Variants in SEC61A2 observed in about 807,000 individuals in gnomAD.
The protein encoded by SEC61A2 is SEC61 translocon subunit alpha 2.
In SEC61A2, 28 loss-of-function variants were observed where a neutral mutation model predicts 59.9. The observed-to-expected ratio is 0.47, with a 90% confidence interval of 0.35 to 0.64. SEC61A2 has a LOEUF of 0.64. Among genes scored for constraint, SEC61A2 ranks in the 30% least tolerant of loss-of-function variants. The pLI is 0.01. For synonymous variants in SEC61A2, 202 were observed against 214.4 expected (o/e 0.94, Z 0.50); for missense variants, 340 against 585.9 (o/e 0.58, Z 4.33).
chr10:12,159,993 A>G (rs1834491985), intron 9 of SEC61A2, among the ~76,000 whole-genome samples: 1 of 152,136 alleles, frequency 6.6e-6, no homozygotes, highest in African/African-American at 2.4e-5. Context: ...TTTCCCATTC[A>G]TTTAAGAGAA....
chr10:12,138,741 T>C (rs920433697), intron 3 of SEC61A2, among the ~76,000 whole-genome samples: 1 of 152,278 alleles, frequency 6.6e-6, no homozygotes, highest in Non-Finnish European at 1.5e-5. Flanking sequence ...GTTGAAGTTA[T>C]CACAGTTTAT....
chr10:12,143,305 C>A lies in SEC61A2; in HGVS notation c.220+110C>A. Reference sequence around the variant, plus strand: ...ACAGGGAGGGGGAGGATATCATTGCCTAGAAAAGCCTAGTATGTAGATAAT... The same window carrying A: ...ACAGGGAGGGGGAGGATATCATTGCATAGAAAAGCCTAGTATGTAGATAAT... On this transcript the variant is annotated intron_variant, in intron 4 of 11. Transcript: ENST00000298428. The surrounding 1 kb of genome is among the most constrained non-coding windows in gnomAD (Gnocchi z 4.8). The A allele has an allele frequency of 1.3e-6, 1 of 777,424 alleles. No homozygotes were observed. Among genetic ancestry groups the A allele is most frequent in the Admixed American group, 1.8e-5 (1 of 55,654 alleles). 48.2% of individuals were successfully genotyped at this position (777,424 alleles called of 1,614,324 possible).
At chr10:12,135,516 A>G (rs1833863999) in intron 2 of SEC61A2, among the ~76,000 whole-genome samples, 1 of 152,194 alleles carries the variant, frequency 6.6e-6, no homozygotes, top group Non-Finnish European at 1.5e-5. Context: ...ACATGAATGT[A>G]TTATGTAGTG....
chr10:12,147,653 C>G (rs11257564), intron 4 of SEC61A2, among the ~76,000 whole-genome samples: 1 of 150,550 alleles, frequency 6.6e-6, no homozygotes, highest in East Asian at 2.0e-4. Flanking sequence ...CCATTGTACT[C>G]CAGCCTGGGT....
At chr10:12,131,682 CTTTTTTTTTTT>C (rs1199525836) in intron 1 of SEC61A2, among the ~76,000 whole-genome samples, 12 of 46,538 alleles carry the variant, frequency 2.6e-4, no homozygotes, top group African/African-American at 6.4e-4. Context: ...GATTACATAC[CTTTTTTTTTTT>C]TTTTTTTTTT....
chr10:12,153,656 C>G lies in SEC61A2; in HGVS notation c.463-2122C>G. The G allele has an allele frequency of 6.8e-7, 1 of 1,466,080 alleles. No individual in the cohort carries two copies. Among genetic ancestry groups the G allele is most frequent in the Non-Finnish European group, 9.3e-7 (1 of 1,075,954 alleles). 90.8% of individuals were successfully genotyped at this position (1,466,080 alleles called of 1,614,324 possible). ...TGATACACAAATATGCGTGTTATGGCTAATTCTTCTAATGTTAATATATAA... is the reference window on the plus strand; with the variant it reads ...TGATACACAAATATGCGTGTTATGGGTAATTCTTCTAATGTTAATATATAA... On this transcript the variant is annotated intron_variant, in intron 6 of 11. Coordinates refer to ENST00000298428, the MANE Select transcript of SEC61A2 (RefSeq NM_018144.4). The surrounding 1 kb of genome is among the most constrained non-coding windows in gnomAD (Gnocchi z 5.2).
At chr10:12,151,166 A>G (rs1834263153) in intron 6 of SEC61A2, among the ~76,000 whole-genome samples, 1 of 151,330 alleles carries the variant, frequency 6.6e-6, no homozygotes, top group Non-Finnish European at 1.5e-5. Flanking sequence ...AGAACAGATC[A>G]TACTTAAGTT....
chr10:12,161,771 A>T lies in SEC61A2; in HGVS notation c.1168-442A>T, dbSNP rs1588646613. ...AAATAAATAAATAGATAAATAAAAAATTTTTAAAAAAGTAAAATAAAACTT... is the reference window on the plus strand; with the variant it reads ...AAATAAATAAATAGATAAATAAAAATTTTTTAAAAAAGTAAAATAAAACTT... On this transcript the variant is annotated intron_variant, in intron 10 of 11. Coordinates refer to ENST00000298428, the MANE Select transcript of SEC61A2 (RefSeq NM_018144.4). This position sits in a 1 kb window ranked among gnomAD's most constrained non-coding sequence, Gnocchi z 5.4. Among the ~76,000 whole-genome samples, 2 of 152,300 alleles carry T rather than the reference A, an allele frequency of 1.3e-5. No homozygotes were observed. The highest frequency in any genetic ancestry group is 4.1e-4 in the South Asian group (2 of 4,822).
chr10:12,158,342 G>T lies in SEC61A2; in HGVS notation c.975+237G>T. 1 of 469,694 alleles carries T rather than the reference G, an allele frequency of 2.1e-6. No homozygotes were observed. The highest frequency in any genetic ancestry group is 3.9e-5 in the Admixed American group (1 of 25,824). 29.1% of individuals were successfully genotyped at this position (469,694 alleles called of 1,614,324 possible). On this transcript the variant is annotated intron_variant, in intron 9 of 11. Coordinates refer to ENST00000298428, the MANE Select transcript of SEC61A2 (RefSeq NM_018144.4). This position sits in a 1 kb window ranked among gnomAD's most constrained non-coding sequence, Gnocchi z 5.7. ...AAGCACTTTCACATCTCATTTGAAT[G>T]ACCTTTTAAGCTAAAATTGTGGTTG... is the stretch of plus-strand genomic sequence containing the variant.
intron 1 of SEC61A2, among the ~76,000 whole-genome samples, chr10:12,131,771 A>G (rs1449685942): frequency 7.5e-6 from 1 of 133,942 alleles, no homozygotes; most frequent in Non-Finnish European, 1.6e-5. Context: ...GCTTACTGCA[A>G]GCTCCCCCTC....
Position 12,156,051 on chromosome 10 carries a change from T to C in SEC61A2, c.616+120T>C, listed in dbSNP as rs1236952415. ...GTTTGCTCTCCTAGGGGATAAGGAA[T>C]GCGAATTCTTCAAAACTTAATGAGC... On this transcript the variant is annotated intron_variant, in intron 7 of 11. Transcript: ENST00000298428. The surrounding 1 kb of genome is among the most constrained non-coding windows in gnomAD (Gnocchi z 5.2). 3 of 967,502 alleles carry C rather than the reference T, an allele frequency of 3.1e-6. No individual in the cohort carries two copies. Among genetic ancestry groups the C allele is most frequent in the African/African-American group, 1.6e-5 (1 of 61,566 alleles). The allele number at this position is 967,502 out of a possible 1,614,324, so 59.9% of individuals were successfully genotyped here. A position where few individuals can be genotyped will look rare whatever the true frequency, so the allele number is the denominator to read the frequency against.
chr10:12,168,375 T>TC (rs1171840890), downstream of SEC61A2, among the ~76,000 whole-genome samples: 1 of 152,172 alleles, frequency 6.6e-6, no homozygotes, highest in African/African-American at 2.4e-5. This position sits in a 1 kb window ranked among gnomAD's most constrained non-coding sequence, Gnocchi z 4.8. Context: ...ATAGAGCCAA[T>TC]CGCTATACCT....
Position 12,149,712 on chromosome 10 carries a change from A to G in SEC61A2, c.338A>G (p.Asn113Ser). The change falls in exon 5 of 12, where the codon AAT (asparagine) becomes AGT (serine). Residue 113 changes from asparagine (N) to serine (S), a missense_variant. Around this residue, in one of 3 missense-constraint regions of SEC61A2, gnomAD observed 283 missense variants for 483.2 expected, o/e 0.59. Coordinates refer to ENST00000298428, the MANE Select transcript of SEC61A2 (RefSeq NM_018144.4). The surrounding 1 kb of genome is among the most constrained non-coding windows in gnomAD (Gnocchi z 5.2). ...ACACCGAAAGATAGAGCTTTATTCAATGGAGCCCAGAAACGTGAGCATTAA... is the reference window on the plus strand; with the variant it reads ...ACACCGAAAGATAGAGCTTTATTCAGTGGAGCCCAGAAACGTGAGCATTAA... Reference protein sequence around the residue: ...GDTPKDRALFNGAQKLFGMII... With the variant: ...GDTPKDRALFSGAQKLFGMII... 1 of 1,612,050 alleles carries G rather than the reference A, an allele frequency of 6.2e-7. No individual in the cohort carries two copies. Among genetic ancestry groups the G allele is most frequent in the Non-Finnish European group, 8.5e-7 (1 of 1,179,534 alleles).
chr10:12,129,908 C>T lies in SEC61A2; in HGVS notation c.7+114C>T. On this transcript the variant is annotated intron_variant, in intron 1 of 11. Transcript: ENST00000298428. The surrounding 1 kb of genome is among the most constrained non-coding windows in gnomAD (Gnocchi z 5.6). ...TCGTGGGGGCCAGGGATGCGCGGGC[C>T]GCTCCGGGCCTCAGCGGAGGGCACG... The T allele has an allele frequency of 6.1e-6, 6 of 981,060 alleles. No individual in the cohort carries two copies. The highest frequency in any genetic ancestry group is 6.7e-6 in the Non-Finnish European group (5 of 741,266). 60.8% of individuals were successfully genotyped at this position (981,060 alleles called of 1,614,324 possible). A position where few individuals can be genotyped will look rare whatever the true frequency, so the allele number is the denominator to read the frequency against.
At chr10:12,138,322 A>G (rs1421091951) in intron 3 of SEC61A2, among the ~76,000 whole-genome samples, 1 of 152,200 alleles carries the variant, frequency 6.6e-6, no homozygotes. Context: ...CCATATTTCT[A>G]CCATTGACTT....
At chr10:12,168,145 C>T (rs1834753602), downstream of SEC61A2, among the ~76,000 whole-genome samples, 1 of 152,080 alleles carries the variant, frequency 6.6e-6, no homozygotes, top group Non-Finnish European at 1.5e-5. This position sits in a 1 kb window ranked among gnomAD's most constrained non-coding sequence, Gnocchi z 4.8. Flanking sequence ...CTGCCTCAGC[C>T]TCCCCAGTAG....
chr10:12,167,327 T>C, downstream of SEC61A2: 1 of 176,670 alleles, frequency 5.7e-6, no homozygotes, highest in East Asian at 1.7e-4. Flanking sequence ...GCTTAGAATT[T>C]TATATTGGGG....
At chr10:12,165,873 T>C (rs1167732592), downstream of SEC61A2, 5 of 152,204 alleles carry the variant, frequency 3.3e-5, no homozygotes, top group Non-Finnish European at 5.9e-5. Context: ...CTCAGACCAC[T>C]GTTACCATAA....
chr10:12,133,246 T>C lies in SEC61A2; in HGVS notation c.13T>C (p.Phe5Leu). ...TATTATTTTTCTTTTTACAGTCAAA[T>C]TTTTAGAAGTTATCAAACCATTCTG... MGIK[F>L]LEVIKPFCAV... Residue 5 changes from phenylalanine to leucine, a missense_variant, in exon 2 of 12, where the codon TTT becomes CTT. Around this residue, in one of 3 missense-constraint regions of SEC61A2, gnomAD observed 41 missense variants for 47.6 expected, o/e 0.86. Coordinates refer to ENST00000298428, the MANE Select transcript of SEC61A2 (RefSeq NM_018144.4). 1 of 1,493,858 alleles carries C rather than the reference T, an allele frequency of 6.7e-7. No homozygotes were observed. The highest frequency in any genetic ancestry group is 9.3e-7 in the Non-Finnish European group (1 of 1,080,042). The allele number at this position is 1,493,858 out of a possible 1,614,324, so 92.5% of individuals were successfully genotyped here. A position where few individuals can be genotyped will look rare whatever the true frequency, so the allele number is the denominator to read the frequency against.
Sources: allele counts gnomAD v4.1 joint callset (sites outside exome capture counted in the v4.1 genomes callset), GRCh38; gene constraint gnomAD v4.1.1; regional missense constraint gnomAD v4.1.1; non-coding constraint Gnocchi (gnomAD v3.1); transcripts MANE v1.5; gene names NCBI Gene and HGNC (gene_info 2026-07-23, HGNC 2026-07-21).